MGAT4C: variants seen among roughly 807,000 people sequenced by gnomAD.
MGAT4C encodes alpha-1,3-mannosyl-glycoprotein 4-beta-N-acetylglucosaminyltransferase C.
In MGAT4C, 19 loss-of-function variants were observed where a neutral mutation model predicts 40.1. That is an observed-to-expected ratio of 0.47 (90% CI 0.33 to 0.70). The LOEUF is 0.70. Among genes scored for constraint, MGAT4C ranks in the 30% least tolerant of loss-of-function variants. The probability of loss-of-function intolerance (pLI) is 0.02; values close to 1 mark genes in which losing one functional copy is unlikely to be tolerated. For synonymous variants in MGAT4C, 181 were observed against 187.1 expected (o/e 0.97, Z 0.27); for missense variants, 491 against 563.2 (o/e 0.87, Z 1.30).
At chr12:86,013,758 T>C (rs1265727991) in intron 2 of MGAT4C, 1 of 982,114 alleles carries the variant, frequency 1.0e-6, no homozygotes, top group Non-Finnish European at 1.2e-6. Context: ...GTCCACAGAA[T>C]CTTAGTGAAA....
intron 2 of MGAT4C, among the ~76,000 whole-genome samples, chr12:86,633,186 A>G (rs147284484): frequency 1.0e-3 from 155 of 152,176 alleles, no homozygotes; most frequent in Middle Eastern, 6.8e-3. Flanking sequence ...AAGTCTGAGA[A>G]CATAATAGAA....
At chr12:86,830,040 G>C (rs1454347155) in intron 1 of MGAT4C, among the ~76,000 whole-genome samples, 2 of 151,382 alleles carry the variant, frequency 1.3e-5, no homozygotes, top group Non-Finnish European at 3.0e-5. Context: ...AACATATAGG[G>C]TAAAATTCCT....
chr12:86,353,591 A>T (rs2136194010), intron 3 of MGAT4C, among the ~76,000 whole-genome samples: 1 of 152,056 alleles, frequency 6.6e-6, no homozygotes, highest in East Asian at 1.9e-4. Context: ...TTCTCTTTTT[A>T]CTCTCCAAGG....
chr12:86,393,210 T>C (rs1956188145), intron 3 of MGAT4C, among the ~76,000 whole-genome samples: 1 of 152,190 alleles, frequency 6.6e-6, no homozygotes, highest in South Asian at 2.1e-4. Context: ...TATTATTTAC[T>C]CTTCAGAGAT....
chr12:86,825,972 A>T (rs1952798644), intron 1 of MGAT4C, among the ~76,000 whole-genome samples: 1 of 151,456 alleles, frequency 6.6e-6, no homozygotes, highest in Admixed American at 6.6e-5. Context: ...GTGATTGGCA[A>T]TAGTGCTAAG....
At chr12:86,507,170 A>G (rs1958485694) in intron 2 of MGAT4C, among the ~76,000 whole-genome samples, 2 of 152,204 alleles carry the variant, frequency 1.3e-5, no homozygotes, top group East Asian at 3.9e-4. Context: ...TGTCTCTCTG[A>G]GTTTTTGTAA....
At chr12:86,323,315 G>T (rs1298758082) in intron 4 of MGAT4C, among the ~76,000 whole-genome samples, 1 of 151,392 alleles carries the variant, frequency 6.6e-6, no homozygotes, top group Admixed American at 6.6e-5. Flanking sequence ...CATGAATTCA[G>T]AGTAAATTAT....
intron 2 of MGAT4C, among the ~76,000 whole-genome samples, chr12:86,669,376 T>C (rs1964195531): frequency 6.6e-6 from 1 of 152,026 alleles, no homozygotes; most frequent in Non-Finnish European, 1.5e-5. Context: ...AGAGCACCTG[T>C]TTGCCTCGTT....
chr12:86,700,652 A>G (rs191036164), intron 2 of MGAT4C, among the ~76,000 whole-genome samples: 128 of 152,258 alleles, frequency 8.4e-4, no homozygotes, highest in African/African-American at 2.9e-3. Context: ...AATAAAAGAA[A>G]TGTTTTGGTT....
chr12:86,576,512 G>A (rs1481224956), intron 2 of MGAT4C, among the ~76,000 whole-genome samples: 1 of 151,854 alleles, frequency 6.6e-6, no homozygotes, highest in Non-Finnish European at 1.5e-5. Context: ...GTGAGAGAAA[G>A]AAGTCTAGTT....
intron 3 of MGAT4C, among the ~76,000 whole-genome samples, chr12:86,381,359 A>G (rs1955924879): frequency 6.6e-6 from 1 of 152,222 alleles, no homozygotes; most frequent in Non-Finnish European, 1.5e-5. Context: ...TTAGAATCTG[A>G]GAAGCTGATG....
chr12:86,469,929 G>T (rs533785831), intron 2 of MGAT4C, among the ~76,000 whole-genome samples: 13 of 152,130 alleles, frequency 8.5e-5, no homozygotes, highest in African/African-American at 3.1e-4. Context: ...GTTTAGTTTA[G>T]TTTTTTCTCA....
intron 3 of MGAT4C, among the ~76,000 whole-genome samples, chr12:86,394,612 T>C (rs963711439): frequency 1.5e-4 from 17 of 115,894 alleles, no homozygotes; most frequent in African/African-American, 4.1e-4. Flanking sequence ...TATATATATA[T>C]ACTTTATATA....
At chr12:86,234,455 T>A (rs1034243074) in intron 1 of MGAT4C, among the ~76,000 whole-genome samples, 1 of 152,190 alleles carries the variant, frequency 6.6e-6, no homozygotes, top group African/African-American at 2.4e-5. Flanking sequence ...AAACTCTCCA[T>A]CAAGTATGAA....
chr12:86,581,541 T>G (rs1171396713), intron 2 of MGAT4C, among the ~76,000 whole-genome samples: 1 of 151,444 alleles, frequency 6.6e-6, no homozygotes, highest in Non-Finnish European at 1.5e-5. Flanking sequence ...CTCCACTTAG[T>G]GCTAATATGA....
intron 3 of MGAT4C, among the ~76,000 whole-genome samples, chr12:86,425,493 G>T (rs1435188649): frequency 6.6e-6 from 1 of 152,160 alleles, no homozygotes; most frequent in African/African-American, 2.4e-5. Flanking sequence ...TGAGGCCTCT[G>T]CAGCCATGCA....
intron 3 of MGAT4C, among the ~76,000 whole-genome samples, chr12:86,335,986 C>T (rs1292515014): frequency 6.6e-6 from 1 of 152,022 alleles, no homozygotes; most frequent in Admixed American, 6.6e-5. Flanking sequence ...TCTAACAAAA[C>T]CTTCCTTTTT....
intron 2 of MGAT4C, among the ~76,000 whole-genome samples, chr12:86,480,978 T>C (rs1957928349): frequency 6.6e-6 from 1 of 151,908 alleles, no homozygotes; most frequent in Non-Finnish European, 1.5e-5. Flanking sequence ...TATATTATTG[T>C]GAAAATGTTA....
intron 1 of MGAT4C, among the ~76,000 whole-genome samples, chr12:86,167,304 T>C (rs1886295463): frequency 6.6e-6 from 1 of 152,232 alleles, no homozygotes; most frequent in Non-Finnish European, 1.5e-5. Flanking sequence ...AGAAATTATT[T>C]CTTCTTTTTC....
Sources: gnomAD v4.1 joint callset for allele counts (sites outside exome capture counted in the v4.1 genomes callset) on GRCh38, gnomAD v4.1.1 for gene constraint, MANE v1.5 for transcripts, NCBI Gene and HGNC (gene_info 2026-07-23, HGNC 2026-07-21) for gene names.